NRG3: variants seen among roughly 807,000 people sequenced by gnomAD.
NRG3 encodes neuregulin 3, also known as pro-neuregulin-3, membrane-bound isoform.
In NRG3, 31 loss-of-function variants were observed where a neutral mutation model predicts 66.9. The observed-to-expected ratio is 0.46, with a 90% CI of 0.35 to 0.63. NRG3 has a LOEUF of 0.63. Among genes scored for constraint, NRG3 ranks in the 20% least tolerant of loss-of-function variants. NRG3 has a pLI of 0.00. For synonymous variants in NRG3, 393 were observed against 359.4 expected, an observed-to-expected ratio of 1.09 and a Z score of -1.06; for missense variants, 910 against 878.9, an observed-to-expected ratio of 1.04 and a Z score of -0.45.
intron 1 of NRG3, among the ~76,000 whole-genome samples, chr10:82,236,122 G>A (rs2076741699): frequency 1.3e-5 from 2 of 151,924 alleles, no homozygotes; most frequent in African/African-American, 4.8e-5. Flanking sequence ...ACAGTCAGTC[G>A]TTAGAATCCT....
chr10:82,451,860 G>A lies in NRG3; in HGVS notation c.953+92992G>A, dbSNP rs184830461. On this transcript the variant is annotated intron_variant, in intron 2 of 8. Transcript: ENST00000372141. The stretch of plus-strand genomic sequence containing the variant: ...TGCCTCACAGAGTGATGATACTGTA[G>A]ACCTACTTGCATGTTTGTTTTTGAA... 3.7e-3 allele frequency among the ~76,000 whole-genome samples: 564 copies of A among 152,236 alleles called. 4 individuals carry two copies. Among genetic ancestry groups the A allele is most frequent in the Non-Finnish European group, 5.2e-3 (352 of 68,010 alleles).
At chr10:82,286,904 T>A (rs1372512244) in intron 1 of NRG3, among the ~76,000 whole-genome samples, 1 of 152,192 alleles carries the variant, frequency 6.6e-6, no homozygotes, top group Admixed American at 6.5e-5. Context: ...CCATTTCTTA[T>A]AGGAAGACAC....
At chr10:82,305,848 C>T (rs1381033323) in intron 1 of NRG3, among the ~76,000 whole-genome samples, 17 of 152,094 alleles carry the variant, frequency 1.1e-4, no homozygotes. Flanking sequence ...CAATTTCTTT[C>T]ATTTTCTAAC....
At chr10:82,637,297 A>G (rs777325008) in intron 2 of NRG3, among the ~76,000 whole-genome samples, 1 of 152,218 alleles carries the variant, frequency 6.6e-6, no homozygotes, top group Non-Finnish European at 1.5e-5. Flanking sequence ...AATGTTAGTA[A>G]TTGATTATAG....
At chr10:82,253,179 C>G (rs1005876811) in intron 1 of NRG3, among the ~76,000 whole-genome samples, 2 of 152,216 alleles carry the variant, frequency 1.3e-5, no homozygotes, top group African/African-American at 4.8e-5. Context: ...CCCTCTGTTA[C>G]TATCTGGTTA....
At chr10:82,628,596 G>C (rs1383281426) in intron 2 of NRG3, among the ~76,000 whole-genome samples, 1 of 151,876 alleles carries the variant, frequency 6.6e-6, no homozygotes, top group Non-Finnish European at 1.5e-5. Flanking sequence ...GATGAACCTT[G>C]GTTGTTGACT....
chr10:82,561,510 G>A (rs2045041077), intron 2 of NRG3, among the ~76,000 whole-genome samples: 1 of 152,058 alleles, frequency 6.6e-6, no homozygotes, highest in African/African-American at 2.4e-5. Flanking sequence ...CAAATTAGCC[G>A]GGCATTGTGG....
rs114440742 is a variant in NRG3 at position 82,367,457 on chromosome 10, T to C, written c.953+8589T>C. ...TAGCACTTAGAACTTTATCAAACTT[T>C]CTTTGTACTAGTCTGATTATTTAAA... On this transcript the variant is annotated intron_variant, in intron 2 of 8. Transcript: ENST00000372141. 7.0e-3 allele frequency among the ~76,000 whole-genome samples: 1,063 copies of C among 152,274 alleles called. 19 individuals are homozygous for C. The highest frequency in any genetic ancestry group is 0.025 in the African/African-American group (1,030 of 41,542).
At chr10:82,243,072 A>G (rs1038128570) in intron 1 of NRG3, among the ~76,000 whole-genome samples, 1 of 152,202 alleles carries the variant, frequency 6.6e-6, no homozygotes, top group African/African-American at 2.4e-5. Context: ...ATAAAATTTT[A>G]TTGTGCACTG....
At chr10:82,245,650 A>G (rs376385644) in intron 1 of NRG3, among the ~76,000 whole-genome samples, 13 of 152,348 alleles carry the variant, frequency 8.5e-5, no homozygotes, top group African/African-American at 2.9e-4. Flanking sequence ...ATATTTTTCA[A>G]AAATTGCTAA....
At chr10:82,382,585 T>G (rs745601229) in intron 2 of NRG3, among the ~76,000 whole-genome samples, 3 of 152,056 alleles carry the variant, frequency 2.0e-5, no homozygotes, top group Non-Finnish European at 4.4e-5. Context: ...AGTGCATCTT[T>G]GTTTCATAGA....
chr10:82,631,071 G>A (rs972267771), intron 2 of NRG3, among the ~76,000 whole-genome samples: 1 of 152,050 alleles, frequency 6.6e-6, no homozygotes, highest in African/African-American at 2.4e-5. Context: ...GCAGGGTTTT[G>A]GTTGTTACTG....
chr10:82,682,683 A>G (rs2054194924), intron 2 of NRG3, among the ~76,000 whole-genome samples: 1 of 152,178 alleles, frequency 6.6e-6, no homozygotes, highest in African/African-American at 2.4e-5. Flanking sequence ...TAAATATGTT[A>G]TGTTTGCAAA....
In NRG3 at chr10:82,478,814, T is replaced by C. The variant is rs192432109; in HGVS notation, c.953+119946T>C. On this transcript the variant is annotated intron_variant, in intron 2 of 8. Transcript: ENST00000372141. The stretch of plus-strand genomic sequence containing the variant: ...GAAACTTGGAAATAATTAAAAACAA[T>C]AGACAAGAACCTGCTAATCTTTTAT... Among the ~76,000 whole-genome samples, 575 of 152,320 alleles carry C rather than the reference T, an allele frequency of 3.8e-3. 1 individual carries two copies. Among genetic ancestry groups the C allele is most frequent in the African/African-American group, 0.013 (543 of 41,574 alleles).
chr10:82,284,764 C>T (rs571618913), intron 1 of NRG3, among the ~76,000 whole-genome samples: 2 of 152,200 alleles, frequency 1.3e-5, no homozygotes, highest in Admixed American at 6.5e-5. Context: ...ATTCTCATCA[C>T]TTCACCTTAG....
At chr10:82,612,883 G>A (rs546130847) in intron 2 of NRG3, among the ~76,000 whole-genome samples, 18 of 152,252 alleles carry the variant, frequency 1.2e-4, no homozygotes, top group Non-Finnish European at 2.2e-4. Context: ...GCTTAGCATG[G>A]CTGGGTGTTA....
chr10:82,206,987 A>G (rs1353096970), intron 1 of NRG3, among the ~76,000 whole-genome samples: 1 of 152,118 alleles, frequency 6.6e-6, no homozygotes, highest in Non-Finnish European at 1.5e-5. Flanking sequence ...GACTGCTGTG[A>G]CTCATACTTT....
In NRG3 at chr10:82,855,102, C is replaced by T. The variant is rs111969732; in HGVS notation, c.1028-10309C>T. On this transcript the variant is annotated intron_variant, in intron 3 of 8. Transcript: ENST00000372141. ...GGAAGTGGGGGTGAGTTGTCTTTGG[C>T]GTTTCTTTAGTGGAGTGCAGCTCAG... Among the ~76,000 whole-genome samples the T allele has an allele frequency of 1.9e-4, 29 of 152,154 alleles. No individual in the cohort carries two copies. The East Asian group carries it at 5.0e-3, about 26-fold the overall frequency.
At chr10:81,884,009 A>G (rs1225098569) in intron 1 of NRG3, among the ~76,000 whole-genome samples, 1 of 152,216 alleles carries the variant, frequency 6.6e-6, no homozygotes, top group East Asian at 1.9e-4. Flanking sequence ...ATAAGGATTG[A>G]AAAACAATCA....
Sources: gnomAD v4.1 joint callset for allele counts (sites outside exome capture counted in the v4.1 genomes callset) on GRCh38, gnomAD v4.1.1 for gene constraint, MANE v1.5 for transcripts, NCBI Gene and HGNC (gene_info 2026-07-23, HGNC 2026-07-21) for gene names.